Variants in NEK5 observed in about 807,000 individuals in gnomAD.
NEK5 encodes serine/threonine-protein kinase Nek5.
Under a neutral mutation model 109.2 loss-of-function variants are expected in NEK5, and 88 were observed. That is an observed-to-expected ratio of 0.81 (90% CI 0.68 to 0.96). NEK5 has a LOEUF of 0.96. Ranked by LOEUF, NEK5 falls within the 40% of genes least tolerant of loss-of-function variation. The pLI is 0.00. For synonymous variants in NEK5, 283 were observed against 299.9 expected (o/e 0.94, Z 0.58); for missense variants, 834 against 920.7 (o/e 0.91, Z 1.22).
In NEK5 at chr13:52,037,076, T is replaced by A. The variant is rs981794029; in HGVS notation, c.2371A>T (p.Ile791Leu). The change falls in exon 24 of 24, where the codon ATA becomes TTA. Residue 791 changes from isoleucine (I) to leucine (L), a missense_variant. By Grantham distance (5) the Ile-to-Leu change is conservative. Transcript: ENST00000684899. ...AATTCTTCAGATTTCTGCATACTTATCCCCTCTCTTTCTCTTGACTTTCTA... is the reference window on the plus strand; with the variant it reads ...AATTCTTCAGATTTCTGCATACTTAACCCCTCTCTTTCTCTTGACTTTCTA... ...DSRKSREREG[I>L]SMQKSEELRE... The A allele has an allele frequency of 3.8e-5, 37 of 985,414 alleles. No individual in the cohort carries two copies. In the East Asian group the frequency reaches 4.1e-3, roughly 109 times the overall value. 61.0% of individuals were successfully genotyped at this position (985,414 alleles called of 1,614,324 possible). A position where few individuals can be genotyped will look rare whatever the true frequency, so the allele number is the denominator to read the frequency against.
chr13:52,082,315 A>G, intron 17 of NEK5: 1 of 727,634 alleles, frequency 1.4e-6, no homozygotes. Flanking sequence ...AATTCCATCT[A>G]AAAAAAAAAG....
chr13:52,115,309 T>C (rs1048963855), intron 4 of NEK5, among the ~76,000 whole-genome samples: 3 of 151,404 alleles, frequency 2.0e-5, no homozygotes, highest in African/African-American at 7.3e-5. Flanking sequence ...CCGACAGAGA[T>C]AGCTTAAACT....
chr13:52,060,543 C>T (rs1385417139), intron 22 of NEK5, among the ~76,000 whole-genome samples: 3 of 152,070 alleles, frequency 2.0e-5, no homozygotes, highest in Non-Finnish European at 2.9e-5. Context: ...TTAGTAGAGA[C>T]GAGGTTTGGC....
At chr13:52,076,190 G>T in intron 17 of NEK5, 47 bp from the exon 18 acceptor site, 1 of 1,034,910 alleles carries the variant, frequency 9.7e-7, no homozygotes, top group Non-Finnish European at 1.5e-6. Context: ...ATGTTTACAT[G>T]AGTTGATTTC....
intron 22 of NEK5, among the ~76,000 whole-genome samples, chr13:52,057,628 G>A (rs1593922518): frequency 6.6e-6 from 1 of 152,214 alleles, no homozygotes; most frequent in African/African-American, 2.4e-5. Flanking sequence ...ACCCTGGGAT[G>A]CAAGGCTGGT....
chr13:52,120,262 G>A (rs1019501003), intron 3 of NEK5, among the ~76,000 whole-genome samples: 1 of 151,878 alleles, frequency 6.6e-6, no homozygotes, highest in Non-Finnish European at 1.5e-5. Flanking sequence ...AGTGTTTCCT[G>A]CCCCAATTTA....
chr13:52,123,879 G>A (rs930044809), intron 3 of NEK5, among the ~76,000 whole-genome samples: 2 of 148,206 alleles, frequency 1.3e-5, no homozygotes, highest in Admixed American at 6.7e-5. Flanking sequence ...AGCAGGCAAC[G>A]ACCTTGGAAG....
At chr13:52,082,059 T>C (rs1023970799) in intron 17 of NEK5, among the ~76,000 whole-genome samples, 8 of 152,246 alleles carry the variant, frequency 5.3e-5, no homozygotes, top group African/African-American at 1.7e-4. Flanking sequence ...CTCATGCCTA[T>C]AATCCCAGCA....
At chr13:52,037,874 G>C (rs1463430217) in intron 23 of NEK5, among the ~76,000 whole-genome samples, 1 of 151,526 alleles carries the variant, frequency 6.6e-6, no homozygotes, top group Non-Finnish European at 1.5e-5. Context: ...AGTGAGCCGA[G>C]ATCGCGCCAC....
chr13:52,103,876 T>G (rs933374023), intron 9 of NEK5, among the ~76,000 whole-genome samples: 1 of 152,208 alleles, frequency 6.6e-6, no homozygotes, highest in African/African-American at 2.4e-5. Flanking sequence ...GGGAAAAGAC[T>G]CTTAAAAGCT....
intron 22 of NEK5, among the ~76,000 whole-genome samples, chr13:52,058,636 A>C (rs1954583934): frequency 6.6e-6 from 1 of 152,122 alleles, no homozygotes; most frequent in Non-Finnish European, 1.5e-5. Flanking sequence ...CAGAGCCCTC[A>C]GAAATAACGC....
intron 23 of NEK5, among the ~76,000 whole-genome samples, chr13:52,044,883 G>C (rs1156960355): frequency 6.6e-6 from 1 of 152,082 alleles, no homozygotes; most frequent in Non-Finnish European, 1.5e-5. Flanking sequence ...AGGAGGCTAA[G>C]AAAACTCCTT....
At chr13:52,126,683 G>A (rs1380442973) in intron 3 of NEK5, among the ~76,000 whole-genome samples, 1 of 152,230 alleles carries the variant, frequency 6.6e-6, no homozygotes, top group African/African-American at 2.4e-5. Flanking sequence ...GGAGGCTGAA[G>A]TGGGAGAATT....
At chr13:52,077,832 T>G (rs1016943624) in intron 17 of NEK5, among the ~76,000 whole-genome samples, 1 of 152,068 alleles carries the variant, frequency 6.6e-6, no homozygotes, top group African/African-American at 2.4e-5. Flanking sequence ...CCCAGCACTT[T>G]GGGAGGCTGA....
At chr13:52,038,736 G>T (rs535545010) in intron 23 of NEK5, among the ~76,000 whole-genome samples, 1 of 148,842 alleles carries the variant, frequency 6.7e-6, no homozygotes, top group Non-Finnish European at 1.5e-5. Flanking sequence ...GATGCAGGAG[G>T]ATTGCTTGAG....
chr13:52,042,358 G>A (rs758422617), intron 23 of NEK5, among the ~76,000 whole-genome samples: 38 of 150,612 alleles, frequency 2.5e-4, no homozygotes, highest in Non-Finnish European at 2.4e-4. Context: ...AGTTACATTT[G>A]AGAATATGTA....
At chr13:52,064,066 C>T (rs1359201654) in intron 21 of NEK5, among the ~76,000 whole-genome samples, 8 of 141,510 alleles carry the variant, frequency 5.7e-5, no homozygotes, top group Admixed American at 2.7e-4. Context: ...GTCAGCCCCC[C>T]GCCCGGCCAG....
intron 23 of NEK5, among the ~76,000 whole-genome samples, chr13:52,042,501 G>A (rs762436651): frequency 5.3e-4 from 81 of 151,634 alleles, no homozygotes; most frequent in Admixed American, 1.2e-3. Flanking sequence ...CATGAAGACA[G>A]AAAAGAAACA....
At chr13:52,077,873 G>A (rs894658015) in intron 17 of NEK5, among the ~76,000 whole-genome samples, 8 of 152,054 alleles carry the variant, frequency 5.3e-5, no homozygotes, top group Admixed American at 2.6e-4. Flanking sequence ...TCGGGAGTTC[G>A]AGACCAGCCT....
Sources: gnomAD v4.1 joint callset for allele counts (sites outside exome capture counted in the v4.1 genomes callset) on GRCh38, gnomAD v4.1.1 for gene constraint, MANE v1.5 for transcripts, NCBI Gene and HGNC (gene_info 2026-07-23, HGNC 2026-07-21) for gene names.